LOC128125817: variants seen among roughly 807,000 people sequenced by gnomAD.
At chr1:41,613,413 C>T in the LOC128125817 span, among the ~76,000 whole-genome samples, 1 of 152,226 alleles carries the variant, frequency 6.6e-6, no homozygotes, top group Admixed American at 6.5e-5. Flanking sequence ...CCCAGCTACA[C>T]ATTTTGGAGA....
chr1:41,606,850 C>T, the LOC128125817 span, among the ~76,000 whole-genome samples: 1 of 149,694 alleles, frequency 6.7e-6, no homozygotes, highest in South Asian at 2.1e-4. Context: ...ATTTTTGAGT[C>T]TCTCTGGAAG....
chr1:41,624,735 T>C, the LOC128125817 span, among the ~76,000 whole-genome samples: 1 of 152,200 alleles, frequency 6.6e-6, no homozygotes, highest in African/African-American at 2.4e-5. Flanking sequence ...TTGTTGGATA[T>C]TGTCACTGAT....
the LOC128125817 span, among the ~76,000 whole-genome samples, chr1:41,624,141 C>A: frequency 3.3e-5 from 5 of 152,148 alleles, no homozygotes; most frequent in African/African-American, 1.2e-4. Flanking sequence ...CACAGCATCA[C>A]CTCAACTTCT....
At chr1:41,588,844 G>A in the LOC128125817 span, among the ~76,000 whole-genome samples, 1 of 152,060 alleles carries the variant, frequency 6.6e-6, no homozygotes, top group Admixed American at 6.5e-5. Context: ...TTCTGGACTA[G>A]TGCTCTCTGC....
chr1:41,619,726 G>A, the LOC128125817 span, among the ~76,000 whole-genome samples: 64 of 151,982 alleles, frequency 4.2e-4, no homozygotes, highest in African/African-American at 1.3e-3. Flanking sequence ...CTCCAGGGAG[G>A]TCAGCTGGGA....
the LOC128125817 span, among the ~76,000 whole-genome samples, chr1:41,612,840 C>T: frequency 6.6e-6 from 1 of 152,226 alleles, no homozygotes; most frequent in Non-Finnish European, 1.5e-5. Context: ...TTCATCTTTG[C>T]ATGGAAGAGA....
the LOC128125817 span, among the ~76,000 whole-genome samples, chr1:41,605,372 C>CGT: frequency 2.4e-5 from 2 of 84,010 alleles, no homozygotes; most frequent in Non-Finnish European, 4.3e-5. Context: ...CACACGCACA[C>CGT]GCGCACACAC....
chr1:41,615,928 T>G, the LOC128125817 span, among the ~76,000 whole-genome samples: 1 of 151,724 alleles, frequency 6.6e-6, no homozygotes, highest in Non-Finnish European at 1.5e-5. Context: ...TATTTTATAT[T>G]TGTTAAATAT....
At chr1:41,613,864 C>G in the LOC128125817 span, among the ~76,000 whole-genome samples, 12,422 of 152,262 alleles carry the variant, frequency 0.082, 559 homozygotes, top group Middle Eastern at 0.17. Flanking sequence ...GTTTCCATCT[C>G]TATAAATTTG....
At chr1:41,627,912 G>C in the LOC128125817 span, among the ~76,000 whole-genome samples, 1 of 132,884 alleles carries the variant, frequency 7.5e-6, no homozygotes, top group Non-Finnish European at 1.6e-5. Context: ...TCCTTCCTTT[G>C]TCATACCAGG....
At chr1:41,618,724 G>A in the LOC128125817 span, among the ~76,000 whole-genome samples, 1 of 152,190 alleles carries the variant, frequency 6.6e-6, no homozygotes, top group Non-Finnish European at 1.5e-5. Flanking sequence ...AGGGACCTTG[G>A]AAGTTATCTA....
the LOC128125817 span, among the ~76,000 whole-genome samples, chr1:41,608,809 C>T: frequency 6.6e-6 from 1 of 151,884 alleles, no homozygotes; most frequent in Admixed American, 6.6e-5. Flanking sequence ...CGGTGGCTCA[C>T]ACCTGTAATC....
the LOC128125817 span, among the ~76,000 whole-genome samples, chr1:41,589,245 T>C: frequency 0.012 from 1,845 of 152,304 alleles, 35 homozygotes; most frequent in African/African-American, 0.04. Flanking sequence ...GGACAGCCTC[T>C]ACTGATGGTC....
chr1:41,592,603 T>G, the LOC128125817 span, among the ~76,000 whole-genome samples: 2 of 152,086 alleles, frequency 1.3e-5, no homozygotes, highest in Non-Finnish European at 2.9e-5. Flanking sequence ...GACTGAGAGG[T>G]GGACTGGCAA....
chr1:41,612,761 G>A, the LOC128125817 span, among the ~76,000 whole-genome samples: 1 of 152,176 alleles, frequency 6.6e-6, no homozygotes, highest in Non-Finnish European at 1.5e-5. Context: ...GAATTCATCA[G>A]GGCCTAGAAT....
chr1:41,587,102 G>A, the LOC128125817 span, among the ~76,000 whole-genome samples: 1 of 152,216 alleles, frequency 6.6e-6, no homozygotes, highest in South Asian at 2.1e-4. Context: ...AGACAGGATG[G>A]AACATCTAAG....
chr1:41,603,174 C>A, the LOC128125817 span, among the ~76,000 whole-genome samples: 1 of 152,142 alleles, frequency 6.6e-6, no homozygotes, highest in African/African-American at 2.4e-5. Flanking sequence ...TCAAGCAATT[C>A]TCCTGCCCCA....
the LOC128125817 span, among the ~76,000 whole-genome samples, chr1:41,603,645 C>G: frequency 1.3e-5 from 2 of 152,206 alleles, no homozygotes; most frequent in East Asian, 3.8e-4. Flanking sequence ...CAGGTGTGAG[C>G]CACTGTGCCT....
chr1:41,602,007 A>G, the LOC128125817 span, among the ~76,000 whole-genome samples: 1 of 151,838 alleles, frequency 6.6e-6, no homozygotes. Flanking sequence ...TGCTCATGTG[A>G]TTTTAAGTCT....
Sources: allele counts gnomAD v4.1 joint callset (sites outside exome capture counted in the v4.1 genomes callset), GRCh38; gene constraint gnomAD v4.1.1; transcripts MANE v1.5.